The following FHIT variants were observed in gnomAD, a reference collection of about 807,000 sequenced individuals.
FHIT encodes the protein fragile histidine triad diadenosine triphosphatase, also known as bis(5'-adenosyl)-triphosphatase.
FHIT carries 19 observed loss-of-function variants against 17.9 expected under a neutral mutation model. The observed-to-expected ratio is 1.06, with a 90% CI of 0.74 to 1.56. FHIT has a LOEUF of 1.56. Ranked by LOEUF, FHIT falls within the 40% of genes most tolerant of loss-of-function variation. The pLI is 0.00. For missense variants in FHIT, 248 were observed against 189.2 expected (o/e 1.31, Z -1.82); for synonymous variants, 81 against 69.7 (o/e 1.16, Z -0.81).
chr3:60,714,788 T>C (rs1469317297), intron 4 of FHIT, among the ~76,000 whole-genome samples: 12 of 152,022 alleles, frequency 7.9e-5, no homozygotes. Context: ...TAAAAGAGGA[T>C]ACAAACAAAT....
chr3:60,241,385 C>T (rs1335783961), intron 5 of FHIT, among the ~76,000 whole-genome samples: 1 of 152,060 alleles, frequency 6.6e-6, no homozygotes, highest in Non-Finnish European at 1.5e-5. Context: ...TATTAAAAAT[C>T]TTGAATTTTC....
rs578012154 is a variant in FHIT, at chr3:61,043,691, C to T, written c.-163-1592G>A. Among the ~76,000 whole-genome samples, 14 of 152,280 alleles carry T rather than the reference C, an allele frequency of 9.2e-5. No individual in the cohort carries two copies. The East Asian group carries it at 1.4e-3, about 15-fold the overall frequency. ...GACAGACTGCCTCTTCAAGTGGGTC[C>T]CTGAGACCCAAGTAGCCTAACTGGG... On this transcript the variant is annotated intron_variant, in intron 2 of 9. Transcript: ENST00000492590.
At chr3:60,080,868 T>C (rs1703250271) in intron 5 of FHIT, 2 of 152,122 alleles carry the variant, frequency 1.3e-5, no homozygotes, top group African/African-American at 4.8e-5. Flanking sequence ...TTGGATGAAA[T>C]AGATGACTGT....
chr3:60,604,730 G>A (rs1184513078), intron 4 of FHIT, among the ~76,000 whole-genome samples: 3 of 152,106 alleles, frequency 2.0e-5, no homozygotes, highest in African/African-American at 7.2e-5. Flanking sequence ...TCAGCCACAG[G>A]AAGAAAAAGA....
chr3:59,830,420 T>C (rs1701124855), intron 8 of FHIT, among the ~76,000 whole-genome samples: 1 of 152,192 alleles, frequency 6.6e-6, no homozygotes. Flanking sequence ...TTCAGAGATA[T>C]CCTTAATGCT....
intron 7 of FHIT, among the ~76,000 whole-genome samples, chr3:59,927,217 C>T (rs1459210051): frequency 6.6e-6 from 1 of 152,044 alleles, no homozygotes; most frequent in Non-Finnish European, 1.5e-5. Flanking sequence ...ACATATTGTA[C>T]CATGCCATTT....
At chr3:61,132,413 A>T (rs2036790836) in intron 2 of FHIT, among the ~76,000 whole-genome samples, 1 of 152,226 alleles carries the variant, frequency 6.6e-6, no homozygotes, top group African/African-American at 2.4e-5. Context: ...CCTGGGAAGG[A>T]AGAGATGAGC....
Position 59,923,345 on chromosome 3 carries a change from C to T in FHIT, c.280-931G>A, listed in dbSNP as rs77677499. On this transcript the variant is annotated intron_variant, in intron 7 of 9. Coordinates refer to ENST00000492590, the MANE Select transcript of FHIT (RefSeq NM_002012.4). ...GGGCGCCACAGGAAGTAAAAGTCAGCACCGGAAATGAGGTTGCCTGGCTTT... is the reference window on the plus strand; with the variant it reads ...GGGCGCCACAGGAAGTAAAAGTCAGTACCGGAAATGAGGTTGCCTGGCTTT... 3.7e-3 allele frequency among the ~76,000 whole-genome samples: 558 copies of T among 151,578 alleles called. 4 individuals are homozygous for T. Among genetic ancestry groups the T allele is most frequent in the African/African-American group, 0.013 (542 of 41,248 alleles).
chr3:61,012,291 G>A (rs1037743400), intron 3 of FHIT, among the ~76,000 whole-genome samples: 10 of 152,080 alleles, frequency 6.6e-5, no homozygotes, highest in African/African-American at 2.4e-4. Context: ...CCAGGAAAAA[G>A]AGAAATTGAA....
intron 4 of FHIT, among the ~76,000 whole-genome samples, chr3:60,569,488 G>A (rs1025555997): frequency 6.6e-5 from 10 of 151,828 alleles, no homozygotes; most frequent in Admixed American, 2.6e-4. Context: ...ACTACTCCAA[G>A]CATATGCCTA....
At chr3:60,656,924 G>A (rs782344640) in intron 4 of FHIT, among the ~76,000 whole-genome samples, 1 of 151,728 alleles carries the variant, frequency 6.6e-6, no homozygotes, top group Non-Finnish European at 1.5e-5. Flanking sequence ...TTTGCAGAGT[G>A]CTATATGGTA....
chr3:59,904,727 G>A (rs924383251), intron 8 of FHIT, among the ~76,000 whole-genome samples: 1 of 152,190 alleles, frequency 6.6e-6, no homozygotes, highest in African/African-American at 2.4e-5. Flanking sequence ...GGAGGGCAGG[G>A]AAGAATTTTA....
At chr3:60,005,550 C>G (rs1482090520) in intron 7 of FHIT, among the ~76,000 whole-genome samples, 1 of 152,152 alleles carries the variant, frequency 6.6e-6, no homozygotes, top group East Asian at 1.9e-4. Context: ...CATGTACACC[C>G]AAACCCATCC....
chr3:60,698,297 A>C (rs1559648194), intron 4 of FHIT, among the ~76,000 whole-genome samples: 1 of 151,904 alleles, frequency 6.6e-6, no homozygotes, highest in African/African-American at 2.4e-5. Context: ...ACACCACTCC[A>C]TAAGAATGCA....
At chr3:59,912,292 A>G (rs1704916797) in intron 8 of FHIT, among the ~76,000 whole-genome samples, 2 of 152,196 alleles carry the variant, frequency 1.3e-5, no homozygotes, top group Admixed American at 6.5e-5. Flanking sequence ...AACTAGCCCA[A>G]TGCCCCAGGG....
At chr3:60,808,556 G>A (rs1701473888) in intron 4 of FHIT, among the ~76,000 whole-genome samples, 1 of 152,080 alleles carries the variant, frequency 6.6e-6, no homozygotes, top group African/African-American at 2.4e-5. Flanking sequence ...GCTTTTATTT[G>A]TGATTCTAGA....
intron 5 of FHIT, among the ~76,000 whole-genome samples, chr3:60,040,099 T>C (rs1701374132): frequency 6.6e-6 from 1 of 152,158 alleles, no homozygotes; most frequent in Admixed American, 6.5e-5. Flanking sequence ...AAAGATAGTG[T>C]CAAAAAATTG....
intron 3 of FHIT, among the ~76,000 whole-genome samples, chr3:60,832,729 T>C (rs1311316741): frequency 6.6e-6 from 1 of 152,086 alleles, no homozygotes; most frequent in Non-Finnish European, 1.5e-5. Flanking sequence ...AAGTCGTTTT[T>C]CCTGTTTTCA....
intron 5 of FHIT, among the ~76,000 whole-genome samples, chr3:60,219,896 A>G (rs1703881904): frequency 6.6e-6 from 1 of 152,142 alleles, no homozygotes; most frequent in African/African-American, 2.4e-5. Flanking sequence ...CTCAACCTGG[A>G]TCTGCCTTAC....
Sources: allele counts gnomAD v4.1 joint callset (sites outside exome capture counted in the v4.1 genomes callset), GRCh38; gene constraint gnomAD v4.1.1; transcripts MANE v1.5; gene names NCBI Gene and HGNC (gene_info 2026-07-23, HGNC 2026-07-21).